Variants in MID2 observed in about 807,000 individuals in gnomAD.
MID2 encodes the protein probable E3 ubiquitin-protein ligase MID2.
Under a neutral mutation model 46.1 loss-of-function variants are expected in MID2, and 13 were observed. The ratio of observed to expected loss-of-function variants is 0.28; its 90% CI spans 0.18 to 0.45. The LOEUF (loss-of-function observed/expected upper bound fraction) is 0.45, where lower values mean the gene tolerates loss of function less well. MID2 is among the 20% of genes least tolerant of loss of function. The pLI is 1.00. For synonymous variants in MID2, 199 were observed against 212.3 expected (o/e 0.94, Z 0.55); for missense variants, 431 against 575.4 (o/e 0.75, Z 2.57).
At chrX:107,852,472 T>G (rs1211493201) in intron 2 of MID2, among the ~76,000 whole-genome samples, 6 of 111,699 alleles carry the variant, frequency 5.4e-5, no homozygotes, top group Non-Finnish European at 1.1e-4. Context: ...TCCTTCCCCT[T>G]TTCTTTGCCA....
At chrX:107,889,730 T>G (rs1383204941) in intron 3 of MID2, among the ~76,000 whole-genome samples, 2 of 112,392 alleles carry the variant, frequency 1.8e-5, no homozygotes, top group Non-Finnish European at 3.8e-5. Flanking sequence ...CTTGGTTCCA[T>G]TCTCCCCGTC....
chrX:107,908,799 G>A (rs996476702), intron 5 of MID2, among the ~76,000 whole-genome samples: 1 of 110,380 alleles, frequency 9.1e-6, no homozygotes, highest in Non-Finnish European at 1.9e-5. Flanking sequence ...GAGTTCAAGG[G>A]TACAGTGGGT....
chrX:107,843,046 T>C (rs1202750277), intron 2 of MID2, among the ~76,000 whole-genome samples: 4 of 112,215 alleles, frequency 3.6e-5, no homozygotes, highest in African/African-American at 1.3e-4. Flanking sequence ...CCCACAACTG[T>C]ACATTTCGTG....
At chrX:107,914,986 A>C (rs1045944403) in intron 5 of MID2, among the ~76,000 whole-genome samples, 2 of 112,335 alleles carry the variant, frequency 1.8e-5, no homozygotes, top group African/African-American at 6.5e-5. Flanking sequence ...GTTATGGTAA[A>C]GAGTAAATTA....
chrX:107,843,093 C>A (rs1049710017), intron 2 of MID2, among the ~76,000 whole-genome samples: 24 of 111,954 alleles, frequency 2.1e-4, no homozygotes, highest in African/African-American at 5.5e-4. Flanking sequence ...AAGGAAGGGA[C>A]AGATTGTATA....
At chrX:107,879,798 T>C (rs1008999312) in intron 3 of MID2, among the ~76,000 whole-genome samples, 1 of 111,138 alleles carries the variant, frequency 9.0e-6, no homozygotes, top group East Asian at 2.8e-4. Context: ...TTTTACAGGA[T>C]AGTGATCAGA....
At chrX:107,880,063 A>T (rs1328137385) in intron 3 of MID2, among the ~76,000 whole-genome samples, 2 of 107,988 alleles carry the variant, frequency 1.9e-5, no homozygotes, top group Admixed American at 2.0e-4. Flanking sequence ...AATTGGCAAT[A>T]CAGAGAATTT....
chrX:107,826,369 A>C lies in MID2; in HGVS notation c.-58A>C, dbSNP rs1285013456. ...GCCCGAGCCAACCCGCTGCGGAGGCAGACGAGAGCCCAGCGCCCTCGAGCG... is the reference window on the plus strand; with the variant it reads ...GCCCGAGCCAACCCGCTGCGGAGGCCGACGAGAGCCCAGCGCCCTCGAGCG... On this transcript the variant is annotated 5_prime_UTR_variant, in exon 1 of 10. Transcript: ENST00000262843. 7.2e-6 allele frequency: 8 copies of C among 1,117,181 alleles called. No homozygotes were observed. In the South Asian group the frequency reaches 1.6e-4, roughly 23 times the overall value. The allele number at this position is 1,117,181 out of a possible 1,213,427, so 92.1% of individuals were successfully genotyped here.
chrX:107,849,759 C>A (rs1445779590), intron 2 of MID2, among the ~76,000 whole-genome samples: 10 of 112,465 alleles, frequency 8.9e-5, no homozygotes, highest in Non-Finnish European at 1.3e-4. Flanking sequence ...TGTTTAGACA[C>A]ATGTACAATT....
chrX:107,861,685 G>A (rs1456076795), intron 3 of MID2, among the ~76,000 whole-genome samples: 1 of 112,662 alleles, frequency 8.9e-6, no homozygotes, highest in Non-Finnish European at 1.9e-5. Flanking sequence ...CGAAGGTGAA[G>A]CAAGAAATAA....
chrX:107,826,296 A>G lies in MID2; in HGVS notation c.-131A>G. The stretch of plus-strand genomic sequence containing the variant: ...GCGGCGAAGGCGGGCGGCGGCCTAC[A>G]GTGGTAGCGGCGGCGGCGGCGACCG... On this transcript the variant is annotated 5_prime_UTR_variant, in exon 1 of 10. Transcript: ENST00000262843. 1.4e-5 allele frequency: 10 copies of G among 730,633 alleles called. No individual in the cohort carries two copies. Among genetic ancestry groups the G allele is most frequent in the African/African-American group, 2.3e-5 (1 of 43,872 alleles). The allele number at this position is 730,633 out of a possible 1,213,427, so 60.2% of individuals were successfully genotyped here.
chrX:107,833,227 G>A (rs190484397), intron 1 of MID2, among the ~76,000 whole-genome samples: 2 of 110,757 alleles, frequency 1.8e-5, no homozygotes, highest in African/African-American at 6.6e-5. Context: ...GGATGTCAGA[G>A]CTGGAAAGCA....
chrX:107,882,341 C>CA (rs2147849813), intron 3 of MID2, among the ~76,000 whole-genome samples: 1 of 111,521 alleles, frequency 9.0e-6, no homozygotes, highest in Non-Finnish European at 1.9e-5. Context: ...CAACAAAAGC[C>CA]AAAATTGACA....
rs1230033824 is a variant in MID2 at position 107,927,982 on chromosome X, G to C, written c.*909G>C. On this transcript the variant is annotated 3_prime_UTR_variant, in exon 10 of 10. Coordinates refer to ENST00000262843, the MANE Select transcript of MID2 (RefSeq NM_012216.4). Reference sequence around the variant, plus strand: ...CTGTTGCTGGATAGAAAATTGATCAGGTAGAAGTGATGCTACCTACTTGAG... The same window carrying C: ...CTGTTGCTGGATAGAAAATTGATCACGTAGAAGTGATGCTACCTACTTGAG... Among the ~76,000 whole-genome samples, 1 of 111,150 alleles carries C rather than the reference G, an allele frequency of 9.0e-6. No individual in the cohort carries two copies. The highest frequency in any genetic ancestry group is 1.9e-5 in the Non-Finnish European group (1 of 52,951).
At chrX:107,879,838 A>G in intron 3 of MID2, among the ~76,000 whole-genome samples, 1 of 111,075 alleles carries the variant, frequency 9.0e-6, no homozygotes, top group Non-Finnish European at 1.9e-5. Flanking sequence ...TTTCTTCATG[A>G]TCAATTTTAA....
At chrX:107,906,805 C>T (rs967418495) in intron 5 of MID2, among the ~76,000 whole-genome samples, 2 of 111,905 alleles carry the variant, frequency 1.8e-5, no homozygotes, top group African/African-American at 6.5e-5. Context: ...AGGCTGGTTT[C>T]GAATTCCTGG....
chrX:107,848,639 C>T (rs1931541842), intron 2 of MID2, among the ~76,000 whole-genome samples: 1 of 111,203 alleles, frequency 9.0e-6, no homozygotes, highest in Admixed American at 9.6e-5. Context: ...AGTGTATCAC[C>T]TTCATCTCAT....
intron 3 of MID2, chrX:107,896,154 C>G (rs890028488): frequency 5.4e-5 from 6 of 111,027 alleles, no homozygotes; most frequent in African/African-American, 2.0e-4. Flanking sequence ...CGAGACCAGC[C>G]TGGCCAACAT....
chrX:107,861,865 C>T (rs1177401949), intron 3 of MID2, among the ~76,000 whole-genome samples: 1 of 111,604 alleles, frequency 9.0e-6, no homozygotes, highest in Admixed American at 9.5e-5. Context: ...TATCTCCAAC[C>T]CAGGACACTG....
Sources: allele counts gnomAD v4.1 joint callset (sites outside exome capture counted in the v4.1 genomes callset), GRCh38; gene constraint gnomAD v4.1.1; transcripts MANE v1.5; gene names NCBI Gene and HGNC (gene_info 2026-07-23, HGNC 2026-07-21).